Variants in PAX5 observed in about 807,000 individuals in gnomAD.
PAX5 encodes paired box 5.
In PAX5, 9 loss-of-function variants were observed where a neutral mutation model predicts 43.7. The ratio of observed to expected loss-of-function variants is 0.21; its 90% confidence interval spans 0.12 to 0.36. The LOEUF is 0.36. Ranked by LOEUF, PAX5 falls within the 10% of genes least tolerant of loss-of-function variation. The probability of loss-of-function intolerance (pLI) is 1.00; values close to 1 mark genes in which losing one functional copy is unlikely to be tolerated. For synonymous variants in PAX5, 228 were observed against 214.3 expected (o/e 1.06, Z -0.56); for missense variants, 383 against 532.7 (o/e 0.72, Z 2.77).
rs962610930 is a variant in PAX5, at chr9:36,865,267, C to A, written c.1012+16737G>T. On this transcript the variant is annotated intron_variant, in intron 8 of 9. Transcript: ENST00000358127. ...CCAGAGCATCCATCGAGTCAGCAAC[C>A]CTCAGCTTCTGAGCTCCCCACACCT... Among the ~76,000 whole-genome samples the A allele has an allele frequency of 2.0e-5, 3 of 152,164 alleles. No homozygotes were observed. In the East Asian group the frequency reaches 5.8e-4, roughly 29 times the overall value.
intron 8 of PAX5, among the ~76,000 whole-genome samples, chr9:36,881,162 C>A (rs1341212678): frequency 6.6e-6 from 1 of 152,156 alleles, no homozygotes; most frequent in Non-Finnish European, 1.5e-5. Flanking sequence ...ACTGTCAAAA[C>A]ACCACACTGT....
chr9:36,969,709 C>T (rs990106753), intron 5 of PAX5, among the ~76,000 whole-genome samples: 1 of 152,232 alleles, frequency 6.6e-6, no homozygotes, highest in Non-Finnish European at 1.5e-5. Context: ...GGCTGCCAGG[C>T]GCCGTGGCTC....
intron 7 of PAX5, among the ~76,000 whole-genome samples, chr9:36,887,903 A>G (rs1290303641): frequency 6.6e-6 from 1 of 150,846 alleles, no homozygotes; most frequent in East Asian, 1.9e-4. Context: ...TATCTAGAAT[A>G]TATAAAGAAC....
intron 7 of PAX5, among the ~76,000 whole-genome samples, chr9:36,911,315 T>C (rs1829264312): frequency 6.6e-6 from 1 of 150,528 alleles, no homozygotes; most frequent in African/African-American, 2.4e-5. Context: ...TCCTTTCCAA[T>C]GCACAAAACA....
chr9:36,951,626 C>T (rs1833018208), intron 6 of PAX5, among the ~76,000 whole-genome samples: 2 of 152,220 alleles, frequency 1.3e-5, no homozygotes, highest in Admixed American at 6.5e-5. Flanking sequence ...TTACTAAAAA[C>T]ACCACATTTC....
In PAX5 at chr9:36,866,244, C is replaced by T. The variant is rs190309929; in HGVS notation, c.1012+15760G>A. Among the ~76,000 whole-genome samples the T allele has an allele frequency of 1.8e-4, 28 of 152,308 alleles. No individual in the cohort carries two copies. The East Asian group carries it at 5.0e-3, about 27-fold the overall frequency. ...AAGACTTCAGAACCTCAGTTGGGGT[C>T]GTGGTCAGATTTTTCTATCTGTCTG... On this transcript the variant is annotated intron_variant, in intron 8 of 9. Coordinates refer to ENST00000358127, the MANE Select transcript of PAX5 (RefSeq NM_016734.3).
chr9:36,869,827 A>ATGGATGGATGGATGGATGGATGG (rs2131697363), intron 8 of PAX5, among the ~76,000 whole-genome samples: 1 of 142,520 alleles, frequency 7.0e-6, no homozygotes, highest in Non-Finnish European at 1.5e-5. Flanking sequence ...TGGATGGATG[A>ATGGATGGATGGATGGATGGATGG]ATAGATGGAT....
intron 7 of PAX5, among the ~76,000 whole-genome samples, chr9:36,899,599 C>G (rs1190780911): frequency 6.6e-6 from 1 of 152,104 alleles, no homozygotes; most frequent in Non-Finnish European, 1.5e-5. Context: ...GAAAAGCCAC[C>G]AGCCAAAGCC....
At position 36,888,176 on chromosome 9, in the gene PAX5, G is replaced by A. The variant is rs1443763966; in HGVS notation, c.911-6071C>T. Among the ~76,000 whole-genome samples, 3 of 152,180 alleles carry A rather than the reference G, an allele frequency of 2.0e-5. No homozygotes were observed. The East Asian group carries it at 5.8e-4, about 29-fold the overall frequency. ...TCGGAACCCTCAAACACTGCTGGTA[G>A]GAATGTAAAATGGTACAGCTGCTTT... On this transcript the variant is annotated intron_variant, in intron 7 of 9. Coordinates refer to ENST00000358127, the MANE Select transcript of PAX5 (RefSeq NM_016734.3).
At chr9:36,939,710 A>G (rs1400620937) in intron 6 of PAX5, among the ~76,000 whole-genome samples, 2 of 152,158 alleles carry the variant, frequency 1.3e-5, no homozygotes, top group East Asian at 3.9e-4. Flanking sequence ...AATTTTGTCA[A>G]TTTTGGAATT....
At chr9:36,880,341 C>T (rs1295149900) in intron 8 of PAX5, among the ~76,000 whole-genome samples, 1 of 152,248 alleles carries the variant, frequency 6.6e-6, no homozygotes. Flanking sequence ...CAGGGATGCA[C>T]ACACCAGTGA....
At chr9:37,029,739 C>A (rs914162207) in intron 1 of PAX5, among the ~76,000 whole-genome samples, 111 of 152,352 alleles carry the variant, frequency 7.3e-4, no homozygotes, top group Non-Finnish European at 2.9e-5. Flanking sequence ...CACCCCCACC[C>A]CCAGCCTCTC....
At chr9:36,897,031 A>G (rs1431894809) in intron 7 of PAX5, among the ~76,000 whole-genome samples, 1 of 152,226 alleles carries the variant, frequency 6.6e-6, no homozygotes, top group Admixed American at 6.5e-5. Flanking sequence ...ACAGGGCCTC[A>G]GTGTGTAGGG....
Position 37,015,118 on chromosome 9 carries a change from C to T in PAX5, c.289G>A (p.Glu97Lys). Reference sequence around the variant, plus strand: ...TGGCGTTTATATTCAGCGATTTTTTCCACCACTTTGGGTGTGGCGACCTTT... The same window carrying T: ...TGGCGTTTATATTCAGCGATTTTTTTCACCACTTTGGGTGTGGCGACCTTT... Reference protein sequence around the residue: ...KPKVATPKVVEKIAEYKRQNP... With the variant: ...KPKVATPKVVKKIAEYKRQNP... The change falls in exon 3 of 10, where the codon GAA (glutamate) becomes AAA (lysine). Residue 97 changes from glutamate to lysine, a missense_variant. Coordinates refer to ENST00000358127, the MANE Select transcript of PAX5 (RefSeq NM_016734.3). This position sits in a 1 kb window ranked among gnomAD's most constrained non-coding sequence, Gnocchi z 4.4. 1 of 1,614,216 alleles carries T rather than the reference C, an allele frequency of 6.2e-7. No homozygotes were observed. The highest frequency in any genetic ancestry group is 2.2e-5 in the East Asian group (1 of 44,894).
chr9:36,965,283 T>A (rs1243470088), intron 6 of PAX5, among the ~76,000 whole-genome samples: 1 of 152,040 alleles, frequency 6.6e-6, no homozygotes, highest in Non-Finnish European at 1.5e-5. Context: ...TGAGGGGAGG[T>A]CCAAGACCAT....
chr9:36,837,507 T>C lies in PAX5; in HGVS notation c.*3053A>G, dbSNP rs1328655412. ...CCCAGGCCTTCTGCCACGATGCTGG[T>C]GAGGCCCCGGACTTGTGTTTTCCAT... On this transcript the variant is annotated 3_prime_UTR_variant, in exon 10 of 10. Transcript: ENST00000358127. The C allele has an allele frequency of 4.3e-6, 1 of 233,234 alleles. No individual in the cohort carries two copies. Among genetic ancestry groups the C allele is most frequent in the Non-Finnish European group, 8.5e-6 (1 of 118,082 alleles). 14.4% of individuals were successfully genotyped at this position (233,234 alleles called of 1,614,324 possible). A position where few individuals can be genotyped will look rare whatever the true frequency, so the allele number is the denominator to read the frequency against.
rs139526520 is a variant in PAX5 at position 36,864,989 on chromosome 9, C to T, written c.1012+17015G>A. On this transcript the variant is annotated intron_variant, in intron 8 of 9. Coordinates refer to ENST00000358127, the MANE Select transcript of PAX5 (RefSeq NM_016734.3). ...GTGGAGAGTGTGCAGAGAGAGGCACCGCGGCCTTCCCGCCCGCGAAGGAAC... is the reference window on the plus strand; with the variant it reads ...GTGGAGAGTGTGCAGAGAGAGGCACTGCGGCCTTCCCGCCCGCGAAGGAAC... 7.2e-5 allele frequency among the ~76,000 whole-genome samples: 11 copies of T among 152,316 alleles called. No homozygotes were observed. In the East Asian group the frequency reaches 1.7e-3, roughly 24 times the overall value.
At chr9:36,860,923 G>A (rs1401763266) in intron 8 of PAX5, 3 of 152,286 alleles carry the variant, frequency 2.0e-5, no homozygotes, top group Non-Finnish European at 2.9e-5. Context: ...GTCCTGTGCT[G>A]ATGAAGACCC....
Position 36,834,467 on chromosome 9 carries a change from C to A in PAX5, c.*6093G>T, listed in dbSNP as rs931217282. 7 of 232,184 alleles carry A rather than the reference C, an allele frequency of 3.0e-5. No individual in the cohort carries two copies. In the East Asian group the frequency reaches 4.2e-4, roughly 14 times the overall value. 14.4% of individuals were successfully genotyped at this position (232,184 alleles called of 1,614,324 possible). On this transcript the variant is annotated 3_prime_UTR_variant, in exon 10 of 10. Transcript: ENST00000358127. ...GTGTGTGTGTGTTTACATGCTCGTG[C>A]ACCTTATGGAGGGGAAGGCCAGATT... is the stretch of plus-strand genomic sequence containing the variant.
Sources: allele counts gnomAD v4.1 joint callset (sites outside exome capture counted in the v4.1 genomes callset), GRCh38; gene constraint gnomAD v4.1.1; non-coding constraint Gnocchi (gnomAD v3.1); transcripts MANE v1.5; gene names NCBI Gene and HGNC (gene_info 2026-07-23, HGNC 2026-07-21).